CACNG5: variants seen among roughly 807,000 people sequenced by gnomAD.
CACNG5 encodes the protein calcium voltage-gated channel auxiliary subunit gamma 5, also known as voltage-dependent calcium channel gamma-5 subunit.
In CACNG5, 18 loss-of-function variants were observed where a neutral mutation model predicts 24.8. The observed-to-expected ratio is 0.73, with a 90% CI of 0.50 to 1.08. The LOEUF is 1.08. Among genes scored for constraint, CACNG5 ranks in the 50% least tolerant of loss-of-function variants. The pLI is 0.00. For synonymous variants in CACNG5, 157 were observed against 149.1 expected (o/e 1.05, Z -0.39); for missense variants, 349 against 367.9 (o/e 0.95, Z 0.42).
At chr17:66,865,832 G>A (rs1290685724) in intron 1 of CACNG5, among the ~76,000 whole-genome samples, 46 of 146,768 alleles carry the variant, frequency 3.1e-4, no homozygotes, top group Non-Finnish European at 6.1e-4. Context: ...TAGTAGAGAC[G>A]GGGTTTCACT....
At chr17:66,863,489 C>T (rs942413315) in intron 1 of CACNG5, among the ~76,000 whole-genome samples, 1 of 152,126 alleles carries the variant, frequency 6.6e-6, no homozygotes, top group Non-Finnish European at 1.5e-5. Context: ...ACCTCAGCCT[C>T]CCAGATAGCT....
chr17:66,859,557 C>T (rs1052865507), intron 1 of CACNG5, among the ~76,000 whole-genome samples: 3 of 152,110 alleles, frequency 2.0e-5, no homozygotes, highest in Non-Finnish European at 4.4e-5. Context: ...TGGGCAGCAC[C>T]GTGTTTCTCT....
chr17:66,873,815 T>G (rs539631804), intron 1 of CACNG5, among the ~76,000 whole-genome samples: 2 of 152,154 alleles, frequency 1.3e-5, no homozygotes, highest in African/African-American at 4.8e-5. Flanking sequence ...CTTTTTTTTT[T>G]CTTTGCTCAA....
chr17:66,860,371 A>G (rs1976837338), intron 1 of CACNG5, among the ~76,000 whole-genome samples: 1 of 152,190 alleles, frequency 6.6e-6, no homozygotes, highest in Non-Finnish European at 1.5e-5. Context: ...AGACAAAGAT[A>G]AAATCTTGAA....
intron 1 of CACNG5, among the ~76,000 whole-genome samples, chr17:66,872,578 C>A (rs942949479): frequency 6.6e-6 from 1 of 152,196 alleles, no homozygotes; most frequent in Non-Finnish European, 1.5e-5. Flanking sequence ...TAATTTTCTG[C>A]GCAATACAGA....
chr17:66,850,477 C>G (rs538688838), intron 1 of CACNG5, among the ~76,000 whole-genome samples: 1 of 152,236 alleles, frequency 6.6e-6, no homozygotes, highest in South Asian at 2.1e-4. Flanking sequence ...AGGAAATTCA[C>G]TGTTGGCCTC....
At chr17:66,879,149 A>G in intron 3 of CACNG5, 91 bp downstream of exon 3, 4 of 946,036 alleles carry the variant, frequency 4.2e-6, no homozygotes, top group Non-Finnish European at 6.8e-6. Context: ...ATATTTCTCA[A>G]GAGGAATGCC....
intron 1 of CACNG5, among the ~76,000 whole-genome samples, chr17:66,845,644 G>A (rs948744393): frequency 1.3e-5 from 2 of 151,920 alleles, no homozygotes; most frequent in African/African-American, 2.4e-5. Context: ...TGCCAACATC[G>A]GTGCCTTCCC....
intron 1 of CACNG5, among the ~76,000 whole-genome samples, chr17:66,836,125 C>G (rs78972635): frequency 2.6e-5 from 4 of 152,128 alleles, no homozygotes; most frequent in Non-Finnish European, 4.4e-5. Context: ...GGGCTGCCTC[C>G]GGTACCTGCC....
At position 66,891,217 on chromosome 17, in the gene CACNG5, C is replaced by T. The variant is rs1318219417; in HGVS notation, c.*5977C>T. Among the ~76,000 whole-genome samples, 1 of 152,154 alleles carries T rather than the reference C, an allele frequency of 6.6e-6. No individual in the cohort carries two copies. The highest frequency in any genetic ancestry group is 1.5e-5 in the Non-Finnish European group (1 of 68,030). On this transcript the variant is annotated 3_prime_UTR_variant, in exon 6 of 6. Transcript: ENST00000533854. ...AGACTTCATGTCATGTCTCATTGGC[C>T]AAAACCAAGTCACATGCCCATTCCT...
rs186857841 is a variant in CACNG5, at chr17:66,888,858, T to C, written c.*3618T>C. On this transcript the variant is annotated 3_prime_UTR_variant, in exon 6 of 6. Transcript: ENST00000533854. ...GGCATGTCTCTGGTTGGGGAAGAGT[T>C]TGGAATGTTTCTGGTCAGAGATGTC... Among the ~76,000 whole-genome samples, 2 of 152,132 alleles carry C rather than the reference T, an allele frequency of 1.3e-5. No individual in the cohort carries two copies. Among genetic ancestry groups the C allele is most frequent in the African/African-American group, 4.8e-5 (2 of 41,510 alleles).
At chr17:66,877,008 TG>T (rs1977087388) in intron 1 of CACNG5, among the ~76,000 whole-genome samples, 4 of 151,852 alleles carry the variant, frequency 2.6e-5, no homozygotes, top group African/African-American at 9.7e-5. Flanking sequence ...AATGAATGAA[TG>T]AATGAATGGC....
chr17:66,877,355 C>T lies in CACNG5; in HGVS notation c.23C>T (p.Ala8Val). The T allele has an allele frequency of 1.9e-6, 3 of 1,614,082 alleles. No homozygotes were observed. The highest frequency in any genetic ancestry group is 2.5e-6 in the Non-Finnish European group (3 of 1,179,982). MSACGRK[A>V]LTLLSSVFAV... Reference sequence around the variant, plus strand: ...AAGATGAGTGCCTGCGGGAGGAAGGCCCTGACCCTGCTGAGCAGTGTCTTT... The same window carrying T: ...AAGATGAGTGCCTGCGGGAGGAAGGTCCTGACCCTGCTGAGCAGTGTCTTT... The change falls in exon 2 of 6, where the codon GCC (alanine) becomes GTC (valine). Residue 8 changes from alanine to valine, a missense_variant. Ala to Val is a moderately conservative substitution (Grantham distance 64, BLOSUM62 0). Coordinates refer to ENST00000533854, the MANE Select transcript of CACNG5 (RefSeq NM_145811.3).
chr17:66,873,930 C>T (rs1021590750), intron 1 of CACNG5, among the ~76,000 whole-genome samples: 1 of 104,010 alleles, frequency 9.6e-6, no homozygotes, highest in Admixed American at 1.0e-4. Context: ...GTGCTTCTCA[C>T]AAGCTGTTTT....
Position 66,860,042 on chromosome 17 carries a change from CAG to C in CACNG5, c.-103-17185_-103-17184del, listed in dbSNP as rs1306031612. 2.6e-5 allele frequency among the ~76,000 whole-genome samples: 4 copies of C among 152,192 alleles called. 1 individual carries two copies. Among genetic ancestry groups the C allele is most frequent in the Non-Finnish European group, 5.9e-5 (4 of 68,042 alleles). On this transcript the variant is annotated intron_variant, in intron 1 of 5. Transcript: ENST00000533854. ...CTGATACTGTTGAGAAAAATCAGGT[CAG>C]AGTTTCCATTTGCCATTCAGGAATC...
At chr17:66,855,090 G>A (rs753948285) in intron 1 of CACNG5, among the ~76,000 whole-genome samples, 20 of 152,232 alleles carry the variant, frequency 1.3e-4, no homozygotes, top group East Asian at 7.7e-4. Context: ...AACAATTGGC[G>A]TTGCCTAGCA....
rs114772449 is a variant in CACNG5 at position 66,875,313 on chromosome 17, T to C, written c.-103-1917T>C. ...GTGGAGAGGGCTGTTTGGTGTTTCA[T>C]TTCTCCCTCCTTTGTCAAAGCCAAC... On this transcript the variant is annotated intron_variant, in intron 1 of 5. Coordinates refer to ENST00000533854, the MANE Select transcript of CACNG5 (RefSeq NM_145811.3). 3.1e-3 allele frequency among the ~76,000 whole-genome samples: 474 copies of C among 152,266 alleles called. 4 individuals are homozygous for C. The highest frequency in any genetic ancestry group is 0.011 in the African/African-American group (449 of 41,550).
intron 1 of CACNG5, among the ~76,000 whole-genome samples, chr17:66,839,579 C>T (rs1307988402): frequency 6.6e-6 from 1 of 151,196 alleles, no homozygotes; most frequent in Non-Finnish European, 1.5e-5. Flanking sequence ...TGACATTTAT[C>T]AGAGATGGGA....
intron 1 of CACNG5, among the ~76,000 whole-genome samples, chr17:66,845,212 T>G (rs1488381087): frequency 6.6e-6 from 1 of 152,138 alleles, no homozygotes; most frequent in Non-Finnish European, 1.5e-5. Context: ...AAACACCGCA[T>G]GTTCTCACTC....
Sources: allele counts gnomAD v4.1 joint callset (sites outside exome capture counted in the v4.1 genomes callset), GRCh38; gene constraint gnomAD v4.1.1; transcripts MANE v1.5; gene names NCBI Gene and HGNC (gene_info 2026-07-23, HGNC 2026-07-21).